TENM3: variants seen among roughly 807,000 people sequenced by gnomAD.
TENM3 encodes teneurin transmembrane protein 3, also known as teneurin-3.
TENM3 carries 63 observed loss-of-function variants against 255.1 expected under a neutral mutation model. The observed-to-expected ratio is 0.25, with a 90% CI of 0.20 to 0.30. The LOEUF is 0.30. Ranked by LOEUF, TENM3 falls within the 10% of genes least tolerant of loss-of-function variation. The pLI is 1.00. For synonymous variants in TENM3, 1,306 were observed against 1,322.3 expected (o/e 0.99, Z 0.27); for missense variants, 2,929 against 3,461.1 (o/e 0.85, Z 3.86).
At chr4:181,702,005 G>A in the TENM3 span, among the ~76,000 whole-genome samples, 239 of 152,260 alleles carry the variant, frequency 1.6e-3, no homozygotes, top group African/African-American at 5.2e-3. Flanking sequence ...GCCTAGGTCC[G>A]TGCCATCCAC....
intron 3 of TENM3, among the ~76,000 whole-genome samples, chr4:182,391,676 C>T (rs1281498358): frequency 1.3e-5 from 2 of 152,192 alleles, no homozygotes; most frequent in South Asian, 4.1e-4. Flanking sequence ...TTCCAATGCA[C>T]TGTATAGACT....
At chr4:182,179,525 T>C (rs1287500776) in intron 1 of TENM3, among the ~76,000 whole-genome samples, 1 of 152,222 alleles carries the variant, frequency 6.6e-6, no homozygotes, top group African/African-American at 2.4e-5. Context: ...CAATATATAA[T>C]AGAACTAAAA....
intron 1 of TENM3, among the ~76,000 whole-genome samples, chr4:182,235,072 A>G (rs1487160236): frequency 1.3e-5 from 2 of 152,130 alleles, no homozygotes; most frequent in Admixed American, 1.3e-4. Context: ...AATACAAAAA[A>G]ACCACTCCTC....
intron 1 of TENM3, among the ~76,000 whole-genome samples, chr4:182,220,118 C>T (rs1397224127): frequency 2.0e-5 from 3 of 151,988 alleles, no homozygotes; most frequent in Non-Finnish European, 4.4e-5. Flanking sequence ...GGCTGATGCC[C>T]GAAATCCCAG....
intron 11 of TENM3, among the ~76,000 whole-genome samples, chr4:182,687,949 A>T (rs1488477392): frequency 6.6e-6 from 1 of 152,180 alleles, no homozygotes; most frequent in African/African-American, 2.4e-5. Flanking sequence ...CAGCATGTAA[A>T]ATTAAATGAT....
chr4:182,432,513 T>C (rs1449769514), intron 3 of TENM3, among the ~76,000 whole-genome samples: 1 of 152,224 alleles, frequency 6.6e-6, no homozygotes, highest in Non-Finnish European at 1.5e-5. Flanking sequence ...ATGTAATAAC[T>C]GCTGTGATAA....
chr4:181,571,769 C>T, the TENM3 span, among the ~76,000 whole-genome samples: 1 of 152,034 alleles, frequency 6.6e-6, no homozygotes, highest in Admixed American at 6.6e-5. Flanking sequence ...CCTCTAACAC[C>T]AAGCTCTGTT....
chr4:181,678,600 A>G, the TENM3 span, among the ~76,000 whole-genome samples: 1 of 152,134 alleles, frequency 6.6e-6, no homozygotes, highest in Admixed American at 6.6e-5. Context: ...AACTTACTTT[A>G]CAAAGTAACT....
the TENM3 span, among the ~76,000 whole-genome samples, chr4:181,471,548 A>G: frequency 3.3e-5 from 5 of 152,144 alleles, no homozygotes; most frequent in Middle Eastern, 3.4e-3. Flanking sequence ...AACCAATACA[A>G]TTTTGAACTT....
At chr4:182,599,902 A>G (rs1308526805) in intron 3 of TENM3, among the ~76,000 whole-genome samples, 2 of 152,208 alleles carry the variant, frequency 1.3e-5, no homozygotes, top group Non-Finnish European at 2.9e-5. Flanking sequence ...TTAAAGAGTC[A>G]TCTATCTGTT....
At chr4:181,645,766 A>G in the TENM3 span, among the ~76,000 whole-genome samples, 3 of 152,232 alleles carry the variant, frequency 2.0e-5, no homozygotes, top group African/African-American at 4.8e-5. Context: ...AAGACTGCCA[A>G]GGTGATACCC....
chr4:182,487,375 G>T (rs540303270), intron 3 of TENM3, among the ~76,000 whole-genome samples: 1 of 152,136 alleles, frequency 6.6e-6, no homozygotes, highest in African/African-American at 2.4e-5. Flanking sequence ...TTTAACTATC[G>T]CATATCAAGG....
chr4:182,014,028 ATATACACATATATACGTATATATACGTG>A, the TENM3 span, among the ~76,000 whole-genome samples: 83 of 59,522 alleles, frequency 1.4e-3, no homozygotes, highest in Middle Eastern at 0.014. Context: ...GTATATACGT[ATATACACATATATACGTATATATACGTG>A]TATATACGTA....
At chr4:182,076,428 A>G in the TENM3 span, among the ~76,000 whole-genome samples, 1 of 151,548 alleles carries the variant, frequency 6.6e-6, no homozygotes, top group African/African-American at 2.4e-5. Context: ...GGTCTCGATC[A>G]CTTGACCTCG....
chr4:181,939,182 CCTT>C, the TENM3 span, among the ~76,000 whole-genome samples: 2 of 152,136 alleles, frequency 1.3e-5, no homozygotes, highest in African/African-American at 2.4e-5. Flanking sequence ...AAAATCCTCT[CCTT>C]ATTATTATTG....
intron 13 of TENM3, among the ~76,000 whole-genome samples, chr4:182,717,357 C>G (rs1489416780): frequency 6.6e-6 from 1 of 152,182 alleles, no homozygotes; most frequent in African/African-American, 2.4e-5. Flanking sequence ...TTCAGCCACC[C>G]TTTTAACACC....
chr4:181,757,782 C>T, the TENM3 span, among the ~76,000 whole-genome samples: 1 of 152,260 alleles, frequency 6.6e-6, no homozygotes, highest in Admixed American at 6.5e-5. Flanking sequence ...TTTCATCTCC[C>T]TTACCTGCAG....
the TENM3 span, among the ~76,000 whole-genome samples, chr4:181,534,798 G>A: frequency 6.6e-6 from 1 of 152,080 alleles, no homozygotes; most frequent in Non-Finnish European, 1.5e-5. Flanking sequence ...TCCTCTCCAG[G>A]CTGTGAATGA....
At chr4:182,713,730 G>A (rs1175928541) in intron 12 of TENM3, among the ~76,000 whole-genome samples, 1 of 152,130 alleles carries the variant, frequency 6.6e-6, no homozygotes, top group Non-Finnish European at 1.5e-5. Context: ...ATCTAGACTA[G>A]GGATTCTGAA....
Sources: gnomAD v4.1 joint callset for allele counts (sites outside exome capture counted in the v4.1 genomes callset) on GRCh38, gnomAD v4.1.1 for gene constraint, MANE v1.5 for transcripts, NCBI Gene and HGNC (gene_info 2026-07-23, HGNC 2026-07-21) for gene names.